ADAM28: variants seen among roughly 807,000 people sequenced by gnomAD.
ADAM28 encodes ADAM metallopeptidase domain 28.
Under a neutral mutation model 101.2 loss-of-function variants are expected in ADAM28, and 105 were observed. The observed-to-expected ratio is 1.04, with a 90% confidence interval of 0.89 to 1.22. The LOEUF is 1.22. ADAM28 is among the 50% of genes most tolerant of loss of function. ADAM28 has a pLI of 0.00. For missense variants in ADAM28, 1,028 were observed against 945.4 expected (o/e 1.09, Z -1.15); for synonymous variants, 322 against 310.6 (o/e 1.04, Z -0.39).
In ADAM28 at chr8:24,313,469, C is replaced by T. The variant is rs1343977509; in HGVS notation, c.465C>T (p.Leu155=). The T allele has an allele frequency of 1.2e-6, 2 of 1,613,888 alleles. No homozygotes were observed. The highest frequency in any genetic ancestry group is 3.3e-5 in the Admixed American group (2 of 59,972). Residue 155 remains leucine (L), a synonymous_variant, in exon 6 of 23, where the codon CTC becomes CTT. Transcript: ENST00000265769. ...ATCGGGATGGACAGGAGCATGCACT[C>T]TTCAAGTATAACCCTGATGAAAAGA... The part of the protein sequence containing the change: ...PIHRDGQEHA[L]FKYNPDEKNY...
At chr8:24,296,597 C>T (rs931731719) in intron 1 of ADAM28, among the ~76,000 whole-genome samples, 3 of 152,204 alleles carry the variant, frequency 2.0e-5, no homozygotes, top group Admixed American at 6.5e-5. Flanking sequence ...TAATGTCTCT[C>T]ATATTAACGT....
At chr8:24,307,491 A>T (rs1447557354) in intron 2 of ADAM28, among the ~76,000 whole-genome samples, 1 of 152,192 alleles carries the variant, frequency 6.6e-6, no homozygotes, top group Non-Finnish European at 1.5e-5. Context: ...GGGAGTAAAG[A>T]ACAAGGTGGA....
At chr8:24,351,711 T>G (rs988431794) in intron 20 of ADAM28, among the ~76,000 whole-genome samples, 1 of 152,224 alleles carries the variant, frequency 6.6e-6, no homozygotes, top group East Asian at 1.9e-4. Context: ...CCTACTCATG[T>G]CCTGTAAATT....
rs891479725 is a variant in ADAM28, at chr8:24,357,093, G to A, written c.*2689G>A. The A allele has an allele frequency of 6.7e-6, 1 of 148,738 alleles. No homozygotes were observed. Among genetic ancestry groups the A allele is most frequent in the Admixed American group, 6.8e-5 (1 of 14,702 alleles). The allele number at this position is 148,738 out of a possible 1,614,324, so 9.2% of individuals were successfully genotyped here. A position where few individuals can be genotyped will look rare whatever the true frequency, so the allele number is the denominator to read the frequency against. Reference sequence around the variant, plus strand: ...CTGAGTTCAACGACCCTCAAATGAAGTGAAGTCTACCAATAACCACTGAAT... The same window carrying A: ...CTGAGTTCAACGACCCTCAAATGAAATGAAGTCTACCAATAACCACTGAAT... On this transcript the variant is annotated 3_prime_UTR_variant, in exon 23 of 23. Transcript: ENST00000265769.
rs1009273645 is a variant in ADAM28, at chr8:24,313,547, G to C, written c.543G>C (p.Gln181His). The C allele has an allele frequency of 1.9e-6, 3 of 1,613,584 alleles. No homozygotes were observed. The African/African-American group carries it at 4.0e-5, about 22-fold the overall frequency. The change falls in exon 6 of 23, where the codon CAG (glutamine) becomes CAC (histidine). Residue 181 changes from glutamine to histidine, a missense_variant. Transcript: ENST00000265769. Reference sequence around the variant, plus strand: ...GTGTGTTGTGGGCCCACGATTTGCAGCAGAACATTGCCCTACCTGCCACCA... The same window carrying C: ...GTGTGTTGTGGGCCCACGATTTGCACCAGAACATTGCCCTACCTGCCACCA... The part of the protein sequence containing the change: ...MDGVLWAHDL[Q>H]QNIALPATKL...
At chr8:24,329,369 C>T (rs191620899) in intron 10 of ADAM28, among the ~76,000 whole-genome samples, 33 of 152,268 alleles carry the variant, frequency 2.2e-4, no homozygotes, top group South Asian at 8.3e-4. Flanking sequence ...TAACCTGCAA[C>T]GATTCTCCTG....
intron 22 of ADAM28, 49 bp downstream of exon 22, chr8:24,353,881 A>G (rs1303550516): frequency 3.8e-6 from 5 of 1,309,154 alleles, no homozygotes; most frequent in Non-Finnish European, 5.4e-6. Context: ...ATAATCTCCT[A>G]CTGTCAAGAG....
chr8:24,344,644 T>C (rs1815193494), intron 18 of ADAM28, among the ~76,000 whole-genome samples: 1 of 152,208 alleles, frequency 6.6e-6, no homozygotes, highest in African/African-American at 2.4e-5. Flanking sequence ...TAGTGCCCTA[T>C]GATTTTATTA....
At chr8:24,308,542 C>T (rs896121937) in intron 2 of ADAM28, 1 of 447,128 alleles carries the variant, frequency 2.2e-6, no homozygotes, top group Admixed American at 2.4e-5. Flanking sequence ...TGGTATCATT[C>T]TCATGGCTTC....
chr8:24,320,171 C>A, intron 6 of ADAM28, 65 bp from the exon 7 acceptor site: 3 of 1,209,048 alleles, frequency 2.5e-6, no homozygotes, highest in South Asian at 1.3e-5. Flanking sequence ...TTACAGATGT[C>A]AAATAATAGA....
At chr8:24,335,307 A>ACAATG (rs1813874597) in intron 13 of ADAM28, 139 bp from the exon 14 acceptor site, 1 of 1,369,044 alleles carries the variant, frequency 7.3e-7, no homozygotes, top group Non-Finnish European at 9.6e-7. Context: ...TTAATTTATG[A>ACAATG]CAATGTAAGC....
intron 14 of ADAM28, among the ~76,000 whole-genome samples, chr8:24,336,590 A>G (rs1313674557): frequency 2.9e-5 from 4 of 139,136 alleles, no homozygotes; most frequent in Admixed American, 2.8e-4. Flanking sequence ...CAAAAAAAAA[A>G]AAAAAAAAAG....
chr8:24,326,621 G>C lies in ADAM28; in HGVS notation c.958G>C (p.Val320Leu), dbSNP rs555577712. The C allele has an allele frequency of 3.1e-6, 5 of 1,611,550 alleles. No homozygotes were observed. Among genetic ancestry groups the C allele is most frequent in the Middle Eastern group, 1.6e-4 (1 of 6,062 alleles). ...FMSTMCSPYS[V>L]GVVQDHSDNL... ...GTCTACAATGTGTTCTCCTTATTCTGTTGGCGTTGTTCAGGTCTGTATGAT... is the reference window on the plus strand; with the variant it reads ...GTCTACAATGTGTTCTCCTTATTCTCTTGGCGTTGTTCAGGTCTGTATGAT... The change falls in exon 10 of 23, where the codon GTT (valine) becomes CTT (leucine). Residue 320 changes from valine (V) to leucine (L), a missense_variant. Physicochemically the swap from Val to Leu is conservative, Grantham distance 32 (BLOSUM62 1). Coordinates refer to ENST00000265769, the MANE Select transcript of ADAM28 (RefSeq NM_014265.6).
chr8:24,309,010 G>A (rs962155045), intron 2 of ADAM28, among the ~76,000 whole-genome samples: 11 of 152,070 alleles, frequency 7.2e-5, no homozygotes, highest in Admixed American at 4.6e-4. Flanking sequence ...TGACAATAAC[G>A]AGGCACTTCC....
In ADAM28 at chr8:24,352,034, T is replaced by A. The variant is rs1295968188; in HGVS notation, c.2226T>A (p.Asn742Lys). 7 of 1,613,636 alleles carry A rather than the reference T, an allele frequency of 4.3e-6. No homozygotes were observed. In the Admixed American group the frequency reaches 1.2e-4, roughly 27 times the overall value. Residue 742 changes from asparagine to lysine, a missense_variant, in exon 21 of 23, where the codon AAT becomes AAA. By Grantham distance (94) the Asn-to-Lys change is moderately conservative. Coordinates refer to ENST00000265769, the MANE Select transcript of ADAM28 (RefSeq NM_014265.6). The part of the protein sequence containing the change: ...PHVYDLPVEG[N>K]EPPASFHKDT... ...TGTATGATCTGCCAGTAGAAGGCAA[T>A]GAGCCCCCAGCCTCTTTTGTGAGTT...
chr8:24,320,084 A>G, intron 6 of ADAM28, 152 bp from the exon 7 acceptor site: 1 of 585,994 alleles, frequency 1.7e-6, no homozygotes, highest in Non-Finnish European at 3.0e-6. Flanking sequence ...TCAGTAGATA[A>G]TCCTGTCGGT....
intron 5 of ADAM28, 143 bp downstream of exon 5, chr8:24,311,580 G>A: frequency 3.9e-6 from 2 of 511,146 alleles, no homozygotes; most frequent in Non-Finnish European, 6.5e-6. Flanking sequence ...GAAATTTGAA[G>A]AAACACCGCT....
intron 2 of ADAM28, among the ~76,000 whole-genome samples, chr8:24,300,281 ATATTTG>A (rs1279977753): frequency 2.0e-5 from 3 of 152,168 alleles, no homozygotes; most frequent in Non-Finnish European, 2.9e-5. Flanking sequence ...AACAATGATT[ATATTTG>A]TATTTGTTTT....
In ADAM28 at chr8:24,335,861, AGTTTTTTGTT is replaced by A; in HGVS notation, c.1567+221_1567+230del. 6 of 1,236,564 alleles carry A rather than the reference AGTTTTTTGTT, an allele frequency of 4.9e-6. No individual in the cohort carries two copies. In the African/African-American group the frequency reaches 7.7e-5, roughly 16 times the overall value. The allele number at this position is 1,236,564 out of a possible 1,614,324, so 76.6% of individuals were successfully genotyped here. ...GTTAAATTTTAACTTAAAATTAACA[AGTTTTTTGTT>A]AATTTTTTGTTTTTTGTCTCAGCAT... is the stretch of plus-strand genomic sequence containing the variant. On this transcript the variant is annotated intron_variant, in intron 14 of 22. Coordinates refer to ENST00000265769, the MANE Select transcript of ADAM28 (RefSeq NM_014265.6).
Sources: allele counts gnomAD v4.1 joint callset (sites outside exome capture counted in the v4.1 genomes callset), GRCh38; gene constraint gnomAD v4.1.1; transcripts MANE v1.5; gene names NCBI Gene and HGNC (gene_info 2026-07-23, HGNC 2026-07-21).